Variants in SNIP1 observed in about 807,000 individuals in gnomAD.
SNIP1 encodes the protein smad nuclear-interacting protein 1.
SNIP1 carries 23 observed loss-of-function variants against 37.4 expected under a neutral mutation model. The observed-to-expected ratio is 0.61, with a 90% CI of 0.44 to 0.87. The LOEUF (loss-of-function observed/expected upper bound fraction) is 0.87, where lower values mean the gene tolerates loss of function less well. Ranked by LOEUF, SNIP1 falls within the 40% of genes least tolerant of loss-of-function variation. The probability of loss-of-function intolerance (pLI) is 0.00; values close to 1 mark genes in which losing one functional copy is unlikely to be tolerated. For synonymous variants in SNIP1, 174 were observed against 200.0 expected, an observed-to-expected ratio of 0.87 and a Z score of 1.10; for missense variants, 459 against 540.4, an observed-to-expected ratio of 0.85 and a Z score of 1.49.
Position 37,537,661 on chromosome 1 carries a change from G to T in SNIP1, c.*87C>A. ...GAGGCATTACAGAGAGCACCATAGT[G>T]CTGGACCCACCACCATAGTGCTCTC... On this transcript the variant is annotated 3_prime_UTR_variant, in exon 4 of 4. Transcript: ENST00000296215. 1 of 1,439,990 alleles carries T rather than the reference G, an allele frequency of 6.9e-7. No individual in the cohort carries two copies. Among genetic ancestry groups the T allele is most frequent in the Non-Finnish European group, 9.5e-7 (1 of 1,050,678 alleles). 89.2% of individuals were successfully genotyped at this position (1,439,990 alleles called of 1,614,324 possible). A position where few individuals can be genotyped will look rare whatever the true frequency, so the allele number is the denominator to read the frequency against.
intron 1 of SNIP1, 79 bp from the exon 2 acceptor site, chr1:37,552,826 C>T: frequency 8.8e-7 from 1 of 1,131,978 alleles, no homozygotes; most frequent in Non-Finnish European, 1.3e-6. Context: ...TCAGGCTTAC[C>T]TACTAACACA....
Position 37,535,230 on chromosome 1 carries a change from T to TTATATATATATATATATATATATATATA in SNIP1, c.*2517_*2518insTATATATATATATATATATATATATATA, listed in dbSNP as rs550915294. On this transcript the variant is annotated 3_prime_UTR_variant, in exon 4 of 4. Coordinates refer to ENST00000296215, the MANE Select transcript of SNIP1 (RefSeq NM_024700.4). Reference sequence around the variant, plus strand: ...ACTAAAAAAAAATAAAAAATAAAAATTATATATATAAATTAGCCAGGCTTG... The same window carrying TTATATATATATATATATATATATATATA: ...ACTAAAAAAAAATAAAAAATAAAAATTATATATATATATATATATATATATATATATATATATAAATTAGCCAGGCTTG... The TTATATATATATATATATATATATATATA allele has an allele frequency of 0.015, 254 of 17,244 alleles. 28 individuals are homozygous for TTATATATATATATATATATATATATATA. The highest frequency in any genetic ancestry group is 0.026 in the African/African-American group (206 of 7,964). The allele number at this position is 17,244 out of a possible 1,614,324, so 1.1% of individuals were successfully genotyped here. A position where few individuals can be genotyped will look rare whatever the true frequency, so the allele number is the denominator to read the frequency against.
At position 37,536,040 on chromosome 1, in the gene SNIP1, G is replaced by C. The variant is rs142399287; in HGVS notation, c.*1708C>G. On this transcript the variant is annotated 3_prime_UTR_variant, in exon 4 of 4. Coordinates refer to ENST00000296215, the MANE Select transcript of SNIP1 (RefSeq NM_024700.4). ...TTGGCCAGGTTGGTCTTGAACTCCT[G>C]ACCTCAGATGATCTGCCCACCTCAG... 6.6e-6 allele frequency: 1 copy of C among 152,354 alleles called. No individual in the cohort carries two copies. The highest frequency in any genetic ancestry group is 1.5e-5 in the Non-Finnish European group (1 of 68,074). 9.4% of individuals were successfully genotyped at this position (152,354 alleles called of 1,614,324 possible). A position where few individuals can be genotyped will look rare whatever the true frequency, so the allele number is the denominator to read the frequency against.
Position 37,554,148 on chromosome 1 carries a change from C to T in SNIP1, c.82G>A (p.Val28Met). The change falls in exon 1 of 4, where the codon GTG (valine) becomes ATG (methionine). Residue 28 changes from valine to methionine, a missense_variant. By Grantham distance (21) the Val-to-Met change is conservative. Coordinates refer to ENST00000296215, the MANE Select transcript of SNIP1 (RefSeq NM_024700.4). ...GGGCTGAGACGCTCCTGCTTCACCA[C>T]CACCCCCGCCGGCAGCACCACGTCC... is the stretch of plus-strand genomic sequence containing the variant. The part of the protein sequence containing the change: ...DGDVVLPAGV[V>M]VKQERLSPEV... 6.2e-7 allele frequency: 1 copy of T among 1,612,500 alleles called. No individual in the cohort carries two copies. Among genetic ancestry groups the T allele is most frequent in the East Asian group, 2.2e-5 (1 of 44,866 alleles).
chr1:37,545,507 A>G (rs542582105), intron 2 of SNIP1, among the ~76,000 whole-genome samples: 8 of 149,858 alleles, frequency 5.3e-5, no homozygotes, highest in Non-Finnish European at 1.0e-4. Flanking sequence ...ACTTCTTGTT[A>G]TGGACTAGGT....
At chr1:37,551,140 G>C (rs1643297503) in intron 2 of SNIP1, among the ~76,000 whole-genome samples, 1 of 147,830 alleles carries the variant, frequency 6.8e-6, no homozygotes, top group African/African-American at 2.5e-5. Flanking sequence ...AATATCATAA[G>C]CCATTAGGAA....
chr1:37,553,904 G>A, intron 1 of SNIP1, 102 bp downstream of exon 1: 1 of 1,205,328 alleles, frequency 8.3e-7, no homozygotes, highest in Non-Finnish European at 1.2e-6. Context: ...TTAAGTCCGG[G>A]CTGCTGCGCC....
At chr1:37,547,752 C>CA (rs201985155) in intron 2 of SNIP1, among the ~76,000 whole-genome samples, 7,687 of 145,722 alleles carry the variant, frequency 0.053, 277 homozygotes, top group Non-Finnish European at 0.079. Context: ...CAACAACAAC[C>CA]AAAAAAAAAC....
chr1:37,547,943 G>C (rs1643259308), intron 2 of SNIP1, among the ~76,000 whole-genome samples: 1 of 151,708 alleles, frequency 6.6e-6, no homozygotes. Context: ...TCAGGAGATG[G>C]AGACCATCCT....
rs2148112839 is a variant in SNIP1 at position 37,540,450 on chromosome 1, G to A, written c.633C>T (p.Gly211=). 1 of 1,613,984 alleles carries A rather than the reference G, an allele frequency of 6.2e-7. No homozygotes were observed. The highest frequency in any genetic ancestry group is 8.5e-7 in the Non-Finnish European group (1 of 1,179,982). The change falls in exon 3 of 4, where the codon GGC becomes GGT. Residue 211 remains glycine (G), a synonymous_variant. Coordinates refer to ENST00000296215, the MANE Select transcript of SNIP1 (RefSeq NM_024700.4). The surrounding 1 kb of genome is among the most constrained non-coding windows in gnomAD (Gnocchi z 5.6). ...ESQELVPRPG[G]NNKEKEVPAK... ...CGGGCACCTCTTTTTCTTTGTTGTT[G>A]CCACCAGGCCGAGGAACCAACTCCT...
At chr1:37,538,574 CAAAAGG>C (rs1486039704) in intron 3 of SNIP1, among the ~76,000 whole-genome samples, 1 of 149,592 alleles carries the variant, frequency 6.7e-6, no homozygotes, top group Non-Finnish European at 1.5e-5. Flanking sequence ...CATGGTAGAT[CAAAAGG>C]TGGAAATGCA....
chr1:37,551,719 T>C (rs1410936778), intron 2 of SNIP1, among the ~76,000 whole-genome samples: 1 of 152,164 alleles, frequency 6.6e-6, no homozygotes, highest in Non-Finnish European at 1.5e-5. Flanking sequence ...TTTAGCCCCA[T>C]AACTACAAGA....
At chr1:37,550,038 G>A (rs570032120) in intron 2 of SNIP1, among the ~76,000 whole-genome samples, 1 of 151,262 alleles carries the variant, frequency 6.6e-6, no homozygotes, top group Non-Finnish European at 1.5e-5. Flanking sequence ...ACATTCATAG[G>A]CAAAAAAAAC....
Position 37,537,533 on chromosome 1 carries a change from C to G in SNIP1, c.*215G>C. The G allele has an allele frequency of 1.9e-6, 1 of 528,336 alleles. No individual in the cohort carries two copies. The highest frequency in any genetic ancestry group is 3.3e-6 in the Non-Finnish European group (1 of 301,026). 32.7% of individuals were successfully genotyped at this position (528,336 alleles called of 1,614,324 possible). ...TGTTCTGAAAACAAATGCCTGCAGG[C>G]ATGTGGCCAAGGTGCCACAGAAAAA... On this transcript the variant is annotated 3_prime_UTR_variant, in exon 4 of 4. Transcript: ENST00000296215.
intron 2 of SNIP1, among the ~76,000 whole-genome samples, chr1:37,547,437 C>T (rs138409189): frequency 2.6e-5 from 4 of 152,204 alleles, no homozygotes; most frequent in East Asian, 1.9e-4. Context: ...ACATTTGTTT[C>T]GAAAATGGTG....
At chr1:37,547,305 C>A (rs1482145507) in intron 2 of SNIP1, among the ~76,000 whole-genome samples, 1 of 152,140 alleles carries the variant, frequency 6.6e-6, no homozygotes, top group African/African-American at 2.4e-5. Flanking sequence ...TTACCTCTGG[C>A]AAGTGAGGTG....
At chr1:37,547,187 A>G (rs188793558) in intron 2 of SNIP1, among the ~76,000 whole-genome samples, 94 of 152,332 alleles carry the variant, frequency 6.2e-4, no homozygotes, top group Non-Finnish European at 1.0e-3. Flanking sequence ...ATACTGAAGT[A>G]ATATAGGTCA....
chr1:37,546,157 C>CG (rs1462780568), intron 2 of SNIP1, among the ~76,000 whole-genome samples: 14 of 139,546 alleles, frequency 1.0e-4, no homozygotes, highest in African/African-American at 3.6e-4. Flanking sequence ...CCCCCCCCCC[C>CG]CCGCTCCCTG....
intron 2 of SNIP1, chr1:37,549,003 A>C (rs1330823951): frequency 6.6e-6 from 1 of 152,112 alleles, no homozygotes; most frequent in African/African-American, 2.4e-5. Context: ...GCAAACAACA[A>C]AAGGAAATAA....
Sources: gnomAD v4.1 joint callset for allele counts (sites outside exome capture counted in the v4.1 genomes callset) on GRCh38, gnomAD v4.1.1 for gene constraint, Gnocchi (gnomAD v3.1) non-coding constraint, MANE v1.5 for transcripts, NCBI Gene and HGNC (gene_info 2026-07-23, HGNC 2026-07-21) for gene names.